The following SIK3 variants were observed in gnomAD, a reference collection of about 807,000 sequenced individuals.
SIK3 encodes serine/threonine-protein kinase SIK3.
A neutral mutation model predicts 144.2 loss-of-function variants in SIK3; 28 were observed. That is an observed-to-expected ratio of 0.19 (90% CI 0.14 to 0.27). The LOEUF is 0.27. SIK3 is among the 10% of genes least tolerant of loss of function. The pLI is 1.00. For synonymous variants in SIK3, 686 were observed against 676.3 expected, an observed-to-expected ratio of 1.01 and a Z score of -0.22; for missense variants, 1,319 against 1,776.0, an observed-to-expected ratio of 0.74 and a Z score of 4.62.
chr11:116,903,449 C>T (rs1424497158), intron 4 of SIK3, among the ~76,000 whole-genome samples: 1 of 151,770 alleles, frequency 6.6e-6, no homozygotes, highest in East Asian at 1.9e-4. Flanking sequence ...CATGTATAGA[C>T]AACTGGAAAA....
intron 6 of SIK3, among the ~76,000 whole-genome samples, chr11:116,879,973 T>G (rs116603441): frequency 0.011 from 1,684 of 152,298 alleles, 31 homozygotes; most frequent in African/African-American, 0.039. Context: ...GACTCCTGTG[T>G]AGGGAGAAGG....
intron 1 of SIK3, among the ~76,000 whole-genome samples, chr11:117,078,821 G>A (rs922914185): frequency 6.6e-6 from 1 of 151,970 alleles, no homozygotes; most frequent in East Asian, 1.9e-4. Context: ...GACATCAGTG[G>A]GGTGCCAACA....
chr11:117,036,589 G>C (rs1032172899), intron 1 of SIK3, among the ~76,000 whole-genome samples: 2 of 152,280 alleles, frequency 1.3e-5, no homozygotes, highest in Middle Eastern at 3.4e-3. Flanking sequence ...CAGAATTTTA[G>C]ACTTTTCTCC....
chr11:116,874,032 C>A lies in SIK3; in HGVS notation c.1452G>T (p.Gln484His). 1 of 1,614,028 alleles carries A rather than the reference C, an allele frequency of 6.2e-7. No homozygotes were observed. Among genetic ancestry groups the A allele is most frequent in the Admixed American group, 1.7e-5 (1 of 59,958 alleles). Reference protein sequence around the residue: ...DPRTEVMEDLQKLLPGFPGVN... With the variant: ...DPRTEVMEDLHKLLPGFPGVN... ...CTCCAGGAAAGCCAGGTAGGAGCTT[C>A]TGCAGATCTTCCATAACTTCCGTGC... The change falls in exon 12 of 25, where the codon CAG (glutamine) becomes CAT (histidine). Residue 484 changes from glutamine to histidine, a missense_variant. Physicochemically the swap from Gln to His is conservative, Grantham distance 24. This residue lies in a region of SIK3 where 167 missense variants were observed against 263.3 expected (regional missense o/e 0.63). Coordinates refer to ENST00000445177, the MANE Select transcript of SIK3 (RefSeq NM_001366686.3).
At position 116,953,915 on chromosome 11, in the gene SIK3, T is replaced by C. The variant is rs910189312; in HGVS notation, c.454+129A>G. Reference sequence around the variant, plus strand: ...AAACAAATTAAAATGCCTTTGTTGATAGAAAATGGCAGGATTGAAGAACAG... The same window carrying C: ...AAACAAATTAAAATGCCTTTGTTGACAGAAAATGGCAGGATTGAAGAACAG... On this transcript the variant is annotated intron_variant, in intron 3 of 24. Transcript: ENST00000445177. 7 of 629,370 alleles carry C rather than the reference T, an allele frequency of 1.1e-5. No individual in the cohort carries two copies. The East Asian group carries it at 1.2e-4, about 11-fold the overall frequency. The allele number at this position is 629,370 out of a possible 1,614,324, so 39.0% of individuals were successfully genotyped here. A position where few individuals can be genotyped will look rare whatever the true frequency, so the allele number is the denominator to read the frequency against.
rs533345616 is a variant in SIK3, at chr11:116,892,010, A to T, written c.865+4243T>A. 9.8e-5 allele frequency among the ~76,000 whole-genome samples: 15 copies of T among 152,342 alleles called. 1 individual carries two copies. The South Asian group carries it at 1.2e-3, about 13-fold the overall frequency. On this transcript the variant is annotated intron_variant, in intron 6 of 24. Coordinates refer to ENST00000445177, the MANE Select transcript of SIK3 (RefSeq NM_001366686.3). ...AGGCAGCAAATACAGAATAGAGCAA[A>T]TCTAGGGAGGGGGAAGTCAAGTTCA...
intron 1 of SIK3, among the ~76,000 whole-genome samples, chr11:117,007,468 T>C (rs1951092872): frequency 6.6e-6 from 1 of 152,220 alleles, no homozygotes; most frequent in Non-Finnish European, 1.5e-5. Context: ...AAGGACTCTC[T>C]TTCCCACTCC....
intron 6 of SIK3, among the ~76,000 whole-genome samples, chr11:116,887,725 G>C (rs1297857842): frequency 6.6e-6 from 1 of 152,132 alleles, no homozygotes; most frequent in Non-Finnish European, 1.5e-5. Flanking sequence ...GGGGCTGTCA[G>C]GTTTTATGGA....
intron 1 of SIK3, among the ~76,000 whole-genome samples, chr11:116,975,472 T>A (rs1949915719): frequency 6.6e-6 from 1 of 152,210 alleles, no homozygotes; most frequent in Non-Finnish European, 1.5e-5. Context: ...ATCTGGTCCT[T>A]TTGTGACTTG....
Position 116,936,402 on chromosome 11 carries a change from T to C in SIK3, c.455-9022A>G, listed in dbSNP as rs1282507091. ...TGTTGGTCAGGCTGGTCTCAAACTC[T>C]TTACCTCAAGTAATGCACCTACCTC... is the stretch of plus-strand genomic sequence containing the variant. On this transcript the variant is annotated intron_variant, in intron 3 of 24. Coordinates refer to ENST00000445177, the MANE Select transcript of SIK3 (RefSeq NM_001366686.3). Among the ~76,000 whole-genome samples, 4 of 152,176 alleles carry C rather than the reference T, an allele frequency of 2.6e-5. No individual in the cohort carries two copies. The South Asian group carries it at 8.3e-4, about 32-fold the overall frequency.
At chr11:116,939,189 C>T (rs1337176786) in intron 3 of SIK3, among the ~76,000 whole-genome samples, 2 of 152,108 alleles carry the variant, frequency 1.3e-5, no homozygotes, top group African/African-American at 4.8e-5. Context: ...ACTCTGTCAC[C>T]CAGGCTGTAG....
chr11:117,077,162 C>G (rs1344389916), intron 1 of SIK3, among the ~76,000 whole-genome samples: 1 of 152,086 alleles, frequency 6.6e-6, no homozygotes, highest in Non-Finnish European at 1.5e-5. Context: ...TGTCTCTAAA[C>G]AAAACCAAAA....
intron 1 of SIK3, among the ~76,000 whole-genome samples, chr11:117,039,032 G>A (rs894690273): frequency 7.2e-5 from 11 of 151,764 alleles, no homozygotes; most frequent in African/African-American, 2.2e-4. Flanking sequence ...CCTGGGCGAC[G>A]GAGTGAGACT....
chr11:116,967,382 A>T (rs1949598000), intron 1 of SIK3, among the ~76,000 whole-genome samples: 1 of 152,194 alleles, frequency 6.6e-6, no homozygotes, highest in South Asian at 2.1e-4. Context: ...CCCTATGGAG[A>T]TTTATTATAT....
chr11:117,074,883 C>T (rs1202363189), intron 1 of SIK3, among the ~76,000 whole-genome samples: 2 of 150,720 alleles, frequency 1.3e-5, no homozygotes, highest in African/African-American at 4.9e-5. Context: ...GTCAAGATCG[C>T]GCCATTGCAC....
At chr11:116,921,836 T>A (rs561000602) in intron 4 of SIK3, among the ~76,000 whole-genome samples, 1 of 152,230 alleles carries the variant, frequency 6.6e-6, no homozygotes, top group Non-Finnish European at 1.5e-5. Context: ...TCACCTGGGC[T>A]TTATTCTCTC....
intron 1 of SIK3, among the ~76,000 whole-genome samples, chr11:116,972,509 C>G (rs915452642): frequency 6.6e-6 from 1 of 152,156 alleles, no homozygotes; most frequent in Non-Finnish European, 1.5e-5. Flanking sequence ...CTACCTACCT[C>G]CATTTAACCT....
intron 4 of SIK3, among the ~76,000 whole-genome samples, chr11:116,900,778 CT>C (rs1431828381): frequency 6.6e-6 from 1 of 152,186 alleles, no homozygotes; most frequent in Admixed American, 6.5e-5. Context: ...ATGTCAATGG[CT>C]TCCTCCTCCG....
Position 116,927,328 on chromosome 11 carries a change from G to T in SIK3, c.507C>A (p.Phe169Leu). The change falls in exon 4 of 25, where the codon TTC becomes TTA. Residue 169 changes from phenylalanine (F) to leucine (L), a missense_variant. Around this residue, in one of 8 missense-constraint regions of SIK3, gnomAD observed 125 missense variants for 285.2 expected, o/e 0.44. Transcript: ENST00000445177. Reference protein sequence around the residue: ...RMAEKEARRKFKQIVTAVYFC... With the variant: ...RMAEKEARRKLKQIVTAVYFC... The stretch of plus-strand genomic sequence containing the variant: ...AATAGACAGCTGTGACGATCTGTTT[G>T]AACTTCCGACGTGCCTCCTTTTCTG... 6.2e-7 allele frequency: 1 copy of T among 1,614,016 alleles called. No homozygotes were observed. The highest frequency in any genetic ancestry group is 1.1e-5 in the South Asian group (1 of 91,062).
Sources: allele counts gnomAD v4.1 joint callset (sites outside exome capture counted in the v4.1 genomes callset), GRCh38; gene constraint gnomAD v4.1.1; regional missense constraint gnomAD v4.1.1; transcripts MANE v1.5; gene names NCBI Gene and HGNC (gene_info 2026-07-23, HGNC 2026-07-21).